Variants in CRADD observed in about 807,000 individuals in gnomAD.
The protein encoded by CRADD is CARD and death domain containing adaptor protein.
A neutral mutation model predicts 15.5 loss-of-function variants in CRADD; 9 were observed. That is an observed-to-expected ratio of 0.58 (90% confidence interval 0.35 to 1.01). The LOEUF is 1.01. Ranked by LOEUF, CRADD falls within the 50% of genes least tolerant of loss-of-function variation. The pLI, the probability that CRADD is intolerant of heterozygous loss-of-function variation, is 0.02. For synonymous variants in CRADD, 118 were observed against 107.6 expected (o/e 1.10, Z -0.60); for missense variants, 227 against 250.3 (o/e 0.91, Z 0.63).
intron 2 of CRADD, among the ~76,000 whole-genome samples, chr12:93,844,457 C>A (rs1351423776): frequency 6.6e-6 from 1 of 152,034 alleles, no homozygotes; most frequent in African/African-American, 2.4e-5. Flanking sequence ...GCTTGATCTG[C>A]TTGGTGGGGT....
At chr12:93,876,444 C>A (rs1268390044) in intron 2 of CRADD, among the ~76,000 whole-genome samples, 3 of 152,128 alleles carry the variant, frequency 2.0e-5, no homozygotes, top group Non-Finnish European at 4.4e-5. Flanking sequence ...TATTTAAGGC[C>A]AATAACTCTT....
At chr12:93,756,529 C>T (rs978818794) in intron 2 of CRADD, among the ~76,000 whole-genome samples, 1 of 152,326 alleles carries the variant, frequency 6.6e-6, no homozygotes, top group East Asian at 1.9e-4. Flanking sequence ...TCTCTAAGGT[C>T]TAGAGCGGAG....
intron 2 of CRADD, among the ~76,000 whole-genome samples, chr12:93,866,063 C>T (rs549965965): frequency 1.3e-5 from 2 of 152,212 alleles, no homozygotes; most frequent in East Asian, 1.9e-4. Context: ...TCTCTAGAAG[C>T]TTTAGAATTT....
downstream of CRADD, among the ~76,000 whole-genome samples, chr12:93,855,385 G>T (rs77195122): frequency 1.3e-5 from 2 of 152,052 alleles, no homozygotes; most frequent in Non-Finnish European, 2.9e-5. Context: ...AGAGGCTACT[G>T]CACACCAGTC....
chr12:93,708,348 C>T (rs918447083), intron 2 of CRADD: 1 of 152,176 alleles, frequency 6.6e-6, no homozygotes, highest in Non-Finnish European at 1.5e-5. Context: ...GACTTTCCGT[C>T]ACTCCGAAAA....
At chr12:93,864,197 G>A (rs1958343495) in intron 2 of CRADD, among the ~76,000 whole-genome samples, 1 of 152,156 alleles carries the variant, frequency 6.6e-6, no homozygotes, top group Non-Finnish European at 1.5e-5. Flanking sequence ...AGGATTACAG[G>A]TGTGTGTCAC....
At chr12:93,790,637 G>C (rs113064464) in intron 2 of CRADD, 2 of 151,796 alleles carry the variant, frequency 1.3e-5, no homozygotes, top group African/African-American at 2.4e-5. Flanking sequence ...AATCCTTTTC[G>C]TAGCGAGTCA....
chr12:93,718,665 G>A (rs1348447475), intron 2 of CRADD, among the ~76,000 whole-genome samples: 1 of 151,530 alleles, frequency 6.6e-6, no homozygotes, highest in East Asian at 1.9e-4. Context: ...TTGTCTTATT[G>A]CACCAGTTAT....
chr12:93,846,084 G>T (rs1313877323), intron 2 of CRADD, among the ~76,000 whole-genome samples: 2 of 152,114 alleles, frequency 1.3e-5, no homozygotes, highest in African/African-American at 2.4e-5. Context: ...ATGTCCTCAA[G>T]ATTCATCCAT....
intron 2 of CRADD, among the ~76,000 whole-genome samples, chr12:93,705,740 A>G (rs1034484753): frequency 5.9e-5 from 9 of 152,232 alleles, no homozygotes; most frequent in African/African-American, 2.2e-4. Flanking sequence ...ACGAAAAAAA[A>G]CATGATTTAT....
intron 2 of CRADD, chr12:93,838,135 C>T (rs932855980): frequency 6.6e-6 from 1 of 151,396 alleles, no homozygotes; most frequent in Non-Finnish European, 1.5e-5. Flanking sequence ...CTCCATCTCT[C>T]TGTGAGGACC....
intron 2 of CRADD, among the ~76,000 whole-genome samples, chr12:93,742,214 C>T (rs1276797660): frequency 6.6e-6 from 1 of 152,204 alleles, no homozygotes; most frequent in Non-Finnish European, 1.5e-5. Context: ...AGGCAGGAAG[C>T]CGTCAAGGAG....
At chr12:93,830,244 GGCTCCCA>G (rs1190212810) in intron 2 of CRADD, among the ~76,000 whole-genome samples, 1 of 152,146 alleles carries the variant, frequency 6.6e-6, no homozygotes, top group East Asian at 1.9e-4. Flanking sequence ...ACGCTTGGAA[GGCTCCCA>G]GAAAGCTTCT....
At position 93,809,542 on chromosome 12, in the gene CRADD, C is replaced by T. The variant is rs369281831; in HGVS notation, c.299-40428C>T. Among the ~76,000 whole-genome samples, 216 of 152,296 alleles carry T rather than the reference C, an allele frequency of 1.4e-3. 3 individuals are homozygous for T. The South Asian group carries it at 0.031, about 22-fold the overall frequency. On this transcript the variant is annotated intron_variant, in intron 2 of 2. Transcript: ENST00000332896. ...TCAGATTAGATCACAAAATCCCTTC[C>T]TTCTGTCATGCTATAATGACATAGA...
intron 2 of CRADD, among the ~76,000 whole-genome samples, chr12:93,688,494 C>T (rs1387038663): frequency 1.2e-5 from 1 of 80,592 alleles, no homozygotes; most frequent in Admixed American, 1.4e-4. Context: ...GACCCTGTCT[C>T]AAAAAAAAAA....
intron 2 of CRADD, among the ~76,000 whole-genome samples, chr12:93,718,961 T>C (rs903916827): frequency 3.9e-5 from 6 of 152,110 alleles, no homozygotes; most frequent in African/African-American, 1.2e-4. Context: ...GGTTTTGTCA[T>C]GTTGCCCAGG....
At chr12:93,757,324 T>C (rs931632538) in intron 2 of CRADD, among the ~76,000 whole-genome samples, 5 of 152,244 alleles carry the variant, frequency 3.3e-5, no homozygotes, top group Non-Finnish European at 7.3e-5. Context: ...GTAGGTTATG[T>C]GTTCATTTTC....
intron 2 of CRADD, among the ~76,000 whole-genome samples, chr12:93,681,466 GA>G (rs925326655): frequency 6.6e-6 from 1 of 151,888 alleles, no homozygotes; most frequent in Non-Finnish European, 1.5e-5. Flanking sequence ...CACTGCTATT[GA>G]AAAAAACATT....
intron 2 of CRADD, among the ~76,000 whole-genome samples, chr12:93,723,357 G>A (rs992206256): frequency 2.6e-5 from 4 of 152,220 alleles, no homozygotes; most frequent in Non-Finnish European, 5.9e-5. Context: ...TGGTGTTTGA[G>A]GTATTTTTCT....
Sources: allele counts gnomAD v4.1 joint callset (sites outside exome capture counted in the v4.1 genomes callset), GRCh38; gene constraint gnomAD v4.1.1; transcripts MANE v1.5; gene names NCBI Gene and HGNC (gene_info 2026-07-23, HGNC 2026-07-21).